The following NDST3 variants were observed in gnomAD, a reference collection of about 807,000 sequenced individuals.
The protein encoded by NDST3 is N-deacetylase and N-sulfotransferase 3.
In NDST3, 58 loss-of-function variants were observed where a neutral mutation model predicts 96.1. The observed-to-expected ratio is 0.60, with a 90% CI of 0.49 to 0.75. NDST3 has a LOEUF of 0.75. Ranked by LOEUF, NDST3 falls within the 30% of genes least tolerant of loss-of-function variation. The pLI is 0.00. For synonymous variants in NDST3, 333 were observed against 359.7 expected, an observed-to-expected ratio of 0.93 and a Z score of 0.84; for missense variants, 788 against 1,034.2, an observed-to-expected ratio of 0.76 and a Z score of 3.27.
intron 3 of NDST3, among the ~76,000 whole-genome samples, chr4:118,109,173 C>A (rs568152749): frequency 6.6e-6 from 1 of 152,258 alleles, no homozygotes; most frequent in Admixed American, 6.5e-5. Flanking sequence ...CAACCTCTTC[C>A]TAAACTTCTG....
chr4:118,155,074 G>A (rs1156840243), intron 6 of NDST3, among the ~76,000 whole-genome samples: 1 of 152,134 alleles, frequency 6.6e-6, no homozygotes, highest in Admixed American at 6.5e-5. Context: ...TTAATACATT[G>A]TATTGATATT....
chr4:118,077,494 C>T (rs181366827), intron 2 of NDST3, among the ~76,000 whole-genome samples: 2 of 152,312 alleles, frequency 1.3e-5, no homozygotes, highest in Admixed American at 6.5e-5. Context: ...GACACCCTCA[C>T]CTAATCTGCT....
At chr4:118,235,045 A>AAGGAAGGAAGGAAAG (rs370213859) in intron 9 of NDST3, among the ~76,000 whole-genome samples, 2 of 16,750 alleles carry the variant, frequency 1.2e-4, no homozygotes, top group Non-Finnish European at 4.9e-4. Context: ...AAAGAAAAAA[A>AAGGAAGGAAGGAAAG]AAGGAAGGAA....
chr4:118,193,810 G>A (rs984066064), intron 6 of NDST3: 2 of 1,479,104 alleles, frequency 1.4e-6, no homozygotes, highest in Non-Finnish European at 9.3e-7. Context: ...ACATGGCCAG[G>A]TTGAGGTAAG....
intron 6 of NDST3, among the ~76,000 whole-genome samples, chr4:118,159,860 C>T (rs1490630308): frequency 6.6e-6 from 1 of 151,884 alleles, no homozygotes; most frequent in East Asian, 1.9e-4. Context: ...TTTGAAATTG[C>T]CCAGGGAGCA....
At chr4:118,111,082 A>G (rs572664676) in intron 3 of NDST3, among the ~76,000 whole-genome samples, 1 of 152,248 alleles carries the variant, frequency 6.6e-6, no homozygotes, top group South Asian at 2.1e-4. Flanking sequence ...ACCAAATACC[A>G]CACGTTCTCA....
chr4:118,087,620 A>AGCTT (rs1196861566), intron 2 of NDST3, among the ~76,000 whole-genome samples: 1 of 152,118 alleles, frequency 6.6e-6, no homozygotes, highest in Non-Finnish European at 1.5e-5. Flanking sequence ...GCCAACCTAG[A>AGCTT]GCTTCTCCCA....
intron 1 of NDST3, among the ~76,000 whole-genome samples, chr4:118,045,578 A>C (rs2110432654): frequency 6.6e-6 from 1 of 152,354 alleles, no homozygotes; most frequent in African/African-American, 2.4e-5. Flanking sequence ...AGAATATACC[A>C]TAAATATCCT....
chr4:118,085,760 CAT>C lies in NDST3; in HGVS notation c.982-19256_982-19255del, dbSNP rs139998380. Among the ~76,000 whole-genome samples, 76 of 152,212 alleles carry C rather than the reference CAT, an allele frequency of 5.0e-4. No individual in the cohort carries two copies. In the East Asian group the frequency reaches 0.013, roughly 25 times the overall value. ...CTTTAAAATTTTTAGAGGAAAAAAACATAACAGATACATAACATGGTCTCATG... is the reference window on the plus strand; with the variant it reads ...CTTTAAAATTTTTAGAGGAAAAAAACAACAGATACATAACATGGTCTCATG... On this transcript the variant is annotated intron_variant, in intron 2 of 13. Coordinates refer to ENST00000296499, the MANE Select transcript of NDST3 (RefSeq NM_004784.3).
In NDST3 at chr4:118,066,202, T is replaced by TATATATA. The variant is rs1560617800; in HGVS notation, c.981+11311_981+11312insATATATA. ...ATATTATATATCTTATATATTATAT[T>TATATATA]TTATATATTATACATAATATATTAT... On this transcript the variant is annotated intron_variant, in intron 2 of 13. Transcript: ENST00000296499. Among the ~76,000 whole-genome samples, 6 of 57,256 alleles carry TATATATA rather than the reference T, an allele frequency of 1.0e-4. 1 individual carries two copies. Among genetic ancestry groups the TATATATA allele is most frequent in the African/African-American group, 4.1e-4 (6 of 14,730 alleles). The allele number at this position is 57,256 out of a possible 152,430, so 37.6% of individuals were successfully genotyped here.
rs973159229 is a variant in NDST3 at position 118,258,325 on chromosome 4, A to T, written c.*2613A>T. Reference sequence around the variant, plus strand: ...GACATGCATACTTTCCACATTATATACTCCAACTGGTTAATATGCTAATCT... The same window carrying T: ...GACATGCATACTTTCCACATTATATTCTCCAACTGGTTAATATGCTAATCT... On this transcript the variant is annotated 3_prime_UTR_variant, in exon 14 of 14. Transcript: ENST00000296499. 2 of 152,184 alleles carry T rather than the reference A, an allele frequency of 1.3e-5. No homozygotes were observed. Among genetic ancestry groups the T allele is most frequent in the African/African-American group, 4.8e-5 (2 of 41,434 alleles). The allele number at this position is 152,184 out of a possible 1,614,324, so 9.4% of individuals were successfully genotyped here. A position where few individuals can be genotyped will look rare whatever the true frequency, so the allele number is the denominator to read the frequency against.
At chr4:118,103,230 A>C (rs1020850750) in intron 2 of NDST3, among the ~76,000 whole-genome samples, 1 of 152,016 alleles carries the variant, frequency 6.6e-6, no homozygotes, top group Non-Finnish European at 1.5e-5. Context: ...ACTGAACACA[A>C]AAAAAATATG....
intron 4 of NDST3, among the ~76,000 whole-genome samples, chr4:118,133,526 C>T (rs1293436058): frequency 1.3e-5 from 2 of 152,126 alleles, no homozygotes; most frequent in Admixed American, 6.5e-5. Flanking sequence ...GAAGATAAAA[C>T]GAGGTACTGC....
At chr4:118,134,548 T>G (rs564238905) in intron 4 of NDST3, among the ~76,000 whole-genome samples, 2 of 152,258 alleles carry the variant, frequency 1.3e-5, no homozygotes, top group East Asian at 3.9e-4. Flanking sequence ...ATACCAGAGA[T>G]AGTACTGATA....
At chr4:118,051,501 G>C (rs1725075618) in intron 1 of NDST3, among the ~76,000 whole-genome samples, 1 of 151,830 alleles carries the variant, frequency 6.6e-6, no homozygotes. Flanking sequence ...TATTCACAAA[G>C]TGTGCATCCA....
At chr4:118,138,371 C>A in intron 5 of NDST3, 132 bp downstream of exon 5, 1 of 649,466 alleles carries the variant, frequency 1.5e-6, no homozygotes, top group Non-Finnish European at 2.4e-6. Context: ...GCATATTTGT[C>A]ATATCTAAGC....
rs1007300267 is a variant in NDST3, at chr4:118,255,903, G to A, written c.*191G>A. ...TGTGTTACAAGCCTTGAGGCCTGTG[G>A]CCTTTCTCTTAACCCATATCTGAGC... On this transcript the variant is annotated 3_prime_UTR_variant, in exon 14 of 14. Transcript: ENST00000296499. The A allele has an allele frequency of 1.8e-6, 1 of 552,052 alleles. No individual in the cohort carries two copies. The highest frequency in any genetic ancestry group is 2.9e-6 in the Non-Finnish European group (1 of 340,372). 34.2% of individuals were successfully genotyped at this position (552,052 alleles called of 1,614,324 possible).
At chr4:118,162,720 C>T (rs1233078549) in intron 6 of NDST3, among the ~76,000 whole-genome samples, 1 of 146,640 alleles carries the variant, frequency 6.8e-6, no homozygotes, top group African/African-American at 2.5e-5. Flanking sequence ...ACACCAAAAG[C>T]AATGGCAACA....
intron 3 of NDST3, among the ~76,000 whole-genome samples, chr4:118,105,408 C>T (rs1044629761): frequency 8.5e-5 from 13 of 152,094 alleles, no homozygotes; most frequent in Non-Finnish European, 1.6e-4. Context: ...AAAGAACAGG[C>T]AGATCAAGAA....
Sources: gnomAD v4.1 joint callset for allele counts (sites outside exome capture counted in the v4.1 genomes callset) on GRCh38, gnomAD v4.1.1 for gene constraint, MANE v1.5 for transcripts, NCBI Gene and HGNC (gene_info 2026-07-23, HGNC 2026-07-21) for gene names.